CAST: variants seen among roughly 807,000 people sequenced by gnomAD.
CAST encodes MIR583 host.
In CAST, 76 loss-of-function variants were observed where a neutral mutation model predicts 119.6. That is an observed-to-expected ratio of 0.64 (90% CI 0.53 to 0.77). The LOEUF (loss-of-function observed/expected upper bound fraction) is 0.77. CAST is among the 30% of genes least tolerant of loss of function. The pLI, the probability that CAST is intolerant of heterozygous loss-of-function variation, is 0.00. For missense variants in CAST, 953 were observed against 946.5 expected (o/e 1.01, Z -0.09); for synonymous variants, 319 against 331.6 (o/e 0.96, Z 0.41).
chr5:96,597,960 C>CA (rs1227100704), intron 1 of CAST, among the ~76,000 whole-genome samples: 2 of 151,660 alleles, frequency 1.3e-5, no homozygotes, highest in African/African-American at 4.9e-5. Context: ...GAGAGGCCAG[C>CA]AGTACTAGGG....
chr5:96,655,728 T>A (rs1231867383), intron 1 of CAST, among the ~76,000 whole-genome samples: 2 of 152,224 alleles, frequency 1.3e-5, no homozygotes, highest in Admixed American at 6.5e-5. Context: ...GTTATGACAT[T>A]TAGTGAGTCA....
At chr5:96,537,521 C>G (rs1014821465) in intron 1 of CAST, among the ~76,000 whole-genome samples, 7 of 151,686 alleles carry the variant, frequency 4.6e-5, no homozygotes, top group Non-Finnish European at 7.4e-5. Context: ...TATTAAAACA[C>G]TTCAGTTACT....
the CAST span, among the ~76,000 whole-genome samples, chr5:96,349,954 T>C: frequency 6.6e-6 from 1 of 152,142 alleles, no homozygotes; most frequent in Non-Finnish European, 1.5e-5. Flanking sequence ...AGAAACGTGG[T>C]GATGAAGTAA....
chr5:96,264,131 T>C, the CAST span, among the ~76,000 whole-genome samples: 4 of 152,262 alleles, frequency 2.6e-5, no homozygotes, highest in Admixed American at 1.3e-4. Context: ...TGTTGTAAAT[T>C]GTATTCAATT....
chr5:96,522,469 C>T (rs556874896), upstream of CAST, among the ~76,000 whole-genome samples: 95 of 152,182 alleles, frequency 6.2e-4, no homozygotes, highest in South Asian at 1.0e-3. Flanking sequence ...AGTTTTAGGA[C>T]GCTGTAGCCT....
At chr5:96,075,763 A>C in the CAST span, among the ~76,000 whole-genome samples, 3 of 152,212 alleles carry the variant, frequency 2.0e-5, no homozygotes, top group Admixed American at 2.0e-4. Context: ...AGATTGCTTT[A>C]TTCCCTGGGC....
At chr5:96,078,629 G>T in the CAST span, among the ~76,000 whole-genome samples, 1 of 152,098 alleles carries the variant, frequency 6.6e-6, no homozygotes, top group Non-Finnish European at 1.5e-5. Flanking sequence ...GAATTAATAG[G>T]TATAGAACAC....
chr5:96,636,796 T>C (rs974860435), intron 1 of CAST, among the ~76,000 whole-genome samples: 9 of 152,106 alleles, frequency 5.9e-5, no homozygotes, highest in Non-Finnish European at 8.8e-5. Flanking sequence ...GGGATTCCCT[T>C]ACGACATTTG....
chr5:96,131,321 T>C, the CAST span, among the ~76,000 whole-genome samples: 1 of 152,078 alleles, frequency 6.6e-6, no homozygotes, highest in Admixed American at 6.6e-5. Flanking sequence ...TATGTGCCTC[T>C]AAGTTTAAAT....
the CAST span, among the ~76,000 whole-genome samples, chr5:96,460,272 C>G: frequency 6.6e-6 from 1 of 151,778 alleles, no homozygotes. Context: ...CACTTGAGAC[C>G]GTGGAGAACA....
intron 19 of CAST, among the ~76,000 whole-genome samples, chr5:96,749,071 C>T (rs1170409977): frequency 6.6e-6 from 1 of 152,204 alleles, no homozygotes; most frequent in Non-Finnish European, 1.5e-5. Context: ...TTCTTTCCTA[C>T]CAAACTGTGT....
chr5:96,136,569 C>A, the CAST span, among the ~76,000 whole-genome samples: 1 of 152,112 alleles, frequency 6.6e-6, no homozygotes, highest in African/African-American at 2.4e-5. Context: ...GCCTCAAGGC[C>A]ACCTCAGCTG....
At chr5:96,049,307 T>G in the CAST span, among the ~76,000 whole-genome samples, 7 of 152,228 alleles carry the variant, frequency 4.6e-5, no homozygotes, top group African/African-American at 1.7e-4. Context: ...GTTATTTTCC[T>G]TTTTGGGTCT....
chr5:96,249,849 A>G, the CAST span, among the ~76,000 whole-genome samples: 3 of 152,170 alleles, frequency 2.0e-5, no homozygotes, highest in Non-Finnish European at 4.4e-5. Context: ...CAATGTTTTA[A>G]TCTCCTCTAC....
chr5:96,773,890 T>TGACTTGTGGCA lies in CAST; in HGVS notation c.*1276_*1286dup, dbSNP rs1243102632. 6.6e-6 allele frequency: 1 copy of TGACTTGTGGCA among 152,330 alleles called. No individual in the cohort carries two copies. Among genetic ancestry groups the TGACTTGTGGCA allele is most frequent in the East Asian group, 1.9e-4 (1 of 5,336 alleles). 9.4% of individuals were successfully genotyped at this position (152,330 alleles called of 1,614,324 possible). A position where few individuals can be genotyped will look rare whatever the true frequency, so the allele number is the denominator to read the frequency against. ...TTTGAAGCTTTTGTTATGACTTAGC[T>TGACTTGTGGCA]GACTTGTGGCAGCGGGGCAAGCAAA... On this transcript the variant is annotated 3_prime_UTR_variant, in exon 32 of 32. Transcript: ENST00000675179.
the CAST span, among the ~76,000 whole-genome samples, chr5:96,142,953 T>C: frequency 1.3e-5 from 2 of 152,152 alleles, no homozygotes; most frequent in Admixed American, 1.3e-4. Context: ...GGCAGTATGA[T>C]TCAGTAGATT....
At chr5:96,727,878 A>G (rs192522676) in intron 6 of CAST, among the ~76,000 whole-genome samples, 22 of 152,336 alleles carry the variant, frequency 1.4e-4, no homozygotes, top group Admixed American at 7.8e-4. Flanking sequence ...TCCAATTCCA[A>G]TTCCAATGAG....
the CAST span, among the ~76,000 whole-genome samples, chr5:96,335,022 C>T: frequency 6.6e-6 from 1 of 152,102 alleles, no homozygotes; most frequent in African/African-American, 2.4e-5. Context: ...TGTTCAAGGC[C>T]GACCCCAGTT....
the CAST span, among the ~76,000 whole-genome samples, chr5:96,187,001 A>T: frequency 1.3e-5 from 2 of 151,934 alleles, no homozygotes; most frequent in South Asian, 4.2e-4. Context: ...TGTTGGTAGG[A>T]TATTTATTAC....
Sources: allele counts gnomAD v4.1 joint callset (sites outside exome capture counted in the v4.1 genomes callset), GRCh38; gene constraint gnomAD v4.1.1; transcripts MANE v1.5; gene names NCBI Gene and HGNC (gene_info 2026-07-23, HGNC 2026-07-21).